The following ULK2 variants were observed in gnomAD, a reference collection of about 807,000 sequenced individuals.
ULK2 encodes serine/threonine-protein kinase ULK2.
ULK2 carries 76 observed loss-of-function variants against 127.5 expected under a neutral mutation model. The ratio of observed to expected loss-of-function variants is 0.60; its 90% CI spans 0.50 to 0.72. The LOEUF (loss-of-function observed/expected upper bound fraction) is 0.72. ULK2 is among the 30% of genes least tolerant of loss of function. ULK2 has a pLI of 0.00. For missense variants in ULK2, 1,144 were observed against 1,295.9 expected (o/e 0.88, Z 1.80); for synonymous variants, 452 against 461.9 (o/e 0.98, Z 0.28).
intron 9 of ULK2, among the ~76,000 whole-genome samples, chr17:19,840,672 T>C (rs1386781427): frequency 1.5e-5 from 2 of 132,666 alleles, no homozygotes; most frequent in Admixed American, 7.6e-5. Flanking sequence ...AGGTCAGGAG[T>C]TCAAGACCAG....
In ULK2 at chr17:19,785,946, T is replaced by C. The variant is rs374533349; in HGVS notation, c.2242A>G (p.Thr748Ala). 76 of 1,594,300 alleles carry C rather than the reference T, an allele frequency of 4.8e-5. No homozygotes were observed. Among genetic ancestry groups the C allele is most frequent in the Non-Finnish European group, 6.1e-5 (72 of 1,172,150 alleles). ...AACAAATGCTCCTTACCTGAGGTTG[T>C]TCTTGTTCGAAGGAACATGTGGGTA... ...TCTHMFLRTR[T>A]TSVGPSNSGG... Residue 748 changes from threonine to alanine, a missense_variant, in exon 21 of 27, where the codon ACA (threonine) becomes GCA (alanine). Physicochemically the swap from Thr to Ala is moderately conservative, Grantham distance 58 (BLOSUM62 0). This residue lies in a region of ULK2 where 913 missense variants were observed against 970.5 expected (regional missense o/e 0.94). Coordinates refer to ENST00000395544, the MANE Select transcript of ULK2 (RefSeq NM_014683.4).
chr17:19,799,177 A>G (rs992514967), intron 17 of ULK2, among the ~76,000 whole-genome samples: 19 of 151,738 alleles, frequency 1.3e-4, no homozygotes, highest in Non-Finnish European at 2.2e-4. Context: ...AAAAAAAAAA[A>G]GTATTATTAA....
chr17:19,867,707 T>C lies in ULK2; in HGVS notation c.-290A>G, dbSNP rs2042386409. 3.2e-5 allele frequency: 6 copies of C among 186,562 alleles called. No homozygotes were observed. The South Asian group carries it at 1.2e-3, about 36-fold the overall frequency. 11.6% of individuals were successfully genotyped at this position (186,562 alleles called of 1,614,324 possible). A position where few individuals can be genotyped will look rare whatever the true frequency, so the allele number is the denominator to read the frequency against. On this transcript the variant is annotated 5_prime_UTR_variant, in exon 1 of 27. Coordinates refer to ENST00000395544, the MANE Select transcript of ULK2 (RefSeq NM_014683.4). ...GGCCTCGGCGCTGCCGGGCCAGGGG[T>C]GCCGTCACCGTCACTGTGCGCGCCC... is the stretch of plus-strand genomic sequence containing the variant.
At chr17:19,779,571 G>C (rs982539779) in intron 25 of ULK2, among the ~76,000 whole-genome samples, 1 of 148,166 alleles carries the variant, frequency 6.7e-6, no homozygotes, top group Non-Finnish European at 1.5e-5. Flanking sequence ...CATATGATTG[G>C]CTAACTAATG....
At chr17:19,805,170 G>A (rs1011441358) in intron 14 of ULK2, among the ~76,000 whole-genome samples, 1 of 152,124 alleles carries the variant, frequency 6.6e-6, no homozygotes, top group Admixed American at 6.6e-5. Context: ...AAAATATCCA[G>A]GAAAATATGC....
chr17:19,847,215 T>C (rs111325162), intron 5 of ULK2, among the ~76,000 whole-genome samples: 4,501 of 152,246 alleles, frequency 0.03, 97 homozygotes, highest in Non-Finnish European at 0.046. Flanking sequence ...GAACACCATA[T>C]GTACTCAATA....
intron 13 of ULK2, among the ~76,000 whole-genome samples, chr17:19,815,005 T>C (rs1383755596): frequency 1.3e-5 from 2 of 152,154 alleles, no homozygotes; most frequent in Non-Finnish European, 2.9e-5. Flanking sequence ...AATGCAAAAA[T>C]CTAAAATCTG....
At chr17:19,801,342 G>A (rs2087393025) in intron 16 of ULK2, among the ~76,000 whole-genome samples, 1 of 152,206 alleles carries the variant, frequency 6.6e-6, no homozygotes, top group Non-Finnish European at 1.5e-5. Flanking sequence ...GGAAGGCCAA[G>A]GCGAGTGGAT....
At chr17:19,852,309 C>T (rs1597812424) in intron 3 of ULK2, among the ~76,000 whole-genome samples, 1 of 151,692 alleles carries the variant, frequency 6.6e-6, no homozygotes, top group East Asian at 2.0e-4. Context: ...ATCACAAGGT[C>T]AGGAGATCAA....
chr17:19,850,336 T>C (rs1009651765), intron 3 of ULK2, among the ~76,000 whole-genome samples: 1 of 152,154 alleles, frequency 6.6e-6, no homozygotes, highest in South Asian at 2.1e-4. Context: ...TATCAACACA[T>C]GTTCCACAAT....
At position 19,772,413 on chromosome 17, in the gene ULK2, A is replaced by C. The variant is rs768239455; in HGVS notation, c.*3936T>G. 12 of 152,152 alleles carry C rather than the reference A, an allele frequency of 7.9e-5. No individual in the cohort carries two copies. Among genetic ancestry groups the C allele is most frequent in the East Asian group, 1.9e-4 (1 of 5,190 alleles). The allele number at this position is 152,152 out of a possible 1,614,324, so 9.4% of individuals were successfully genotyped here. On this transcript the variant is annotated 3_prime_UTR_variant, in exon 27 of 27. Transcript: ENST00000395544. The stretch of plus-strand genomic sequence containing the variant: ...TAAACATGAGACTTGGGAGGGACCC[A>C]AGAGCTTGCTTGGCTGCAGATTCAA...
Position 19,776,360 on chromosome 17 carries a change from C to T in ULK2, c.3100G>A (p.Ala1034Thr), listed in dbSNP as rs780278419. The T allele has an allele frequency of 2.1e-5, 34 of 1,605,238 alleles. No individual in the cohort carries two copies. Among genetic ancestry groups the T allele is most frequent in the Middle Eastern group, 1.6e-4 (1 of 6,062 alleles). ...RRLSALCHST[A>T]TV ...GATGAGCCTGCTGCTCACACGGTTG[C>T]GGTGCTATGGCAGAGCGCCGACAGT... The change falls in exon 27 of 27, where the codon GCA becomes ACA. Residue 1034 changes from alanine to threonine, a missense_variant. By Grantham distance (58) the Ala-to-Thr change is moderately conservative. Transcript: ENST00000395544.
chr17:19,801,725 T>C, intron 16 of ULK2, 52 bp downstream of exon 16: 1 of 1,605,158 alleles, frequency 6.2e-7, no homozygotes, highest in East Asian at 2.2e-5. Context: ...TCATGTCAGA[T>C]TTATTACAGT....
At chr17:19,821,114 C>T (rs2041131402) in intron 12 of ULK2, among the ~76,000 whole-genome samples, 1 of 152,144 alleles carries the variant, frequency 6.6e-6, no homozygotes, top group South Asian at 2.1e-4. Context: ...CGAGACCAGC[C>T]TGGCCAACAT....
intron 3 of ULK2, among the ~76,000 whole-genome samples, chr17:19,860,687 G>C (rs1036656622): frequency 2.0e-5 from 3 of 151,852 alleles, no homozygotes; most frequent in African/African-American, 7.3e-5. Context: ...ACCATGCCCA[G>C]CTAATTTTGT....
chr17:19,866,388 A>G (rs1013181828), intron 1 of ULK2, among the ~76,000 whole-genome samples: 25 of 151,714 alleles, frequency 1.6e-4, no homozygotes, highest in South Asian at 4.1e-4. Context: ...GGCACCTGTA[A>G]TCCCAGCTAC....
At chr17:19,830,044 G>A (rs1858060320) in intron 10 of ULK2, among the ~76,000 whole-genome samples, 4 of 152,082 alleles carry the variant, frequency 2.6e-5, no homozygotes, top group African/African-American at 4.8e-5. Flanking sequence ...GCATCAATAA[G>A]GAAAGGGAGG....
intron 17 of ULK2, among the ~76,000 whole-genome samples, chr17:19,798,396 C>T (rs1293717566): frequency 1.3e-5 from 2 of 152,206 alleles, no homozygotes; most frequent in Non-Finnish European, 2.9e-5. Flanking sequence ...CCCTACAAAC[C>T]TTGCTGTTTC....
chr17:19,801,306 G>C (rs2087391958), intron 16 of ULK2, among the ~76,000 whole-genome samples: 1 of 152,166 alleles, frequency 6.6e-6, no homozygotes, highest in Non-Finnish European at 1.5e-5. Context: ...GGGCGCGGTG[G>C]CTCACACCTA....
Sources: allele counts gnomAD v4.1 joint callset (sites outside exome capture counted in the v4.1 genomes callset), GRCh38; gene constraint gnomAD v4.1.1; regional missense constraint gnomAD v4.1.1; transcripts MANE v1.5; gene names NCBI Gene and HGNC (gene_info 2026-07-23, HGNC 2026-07-21).